The following CAPZB variants were observed in gnomAD, a reference collection of about 807,000 sequenced individuals.
CAPZB encodes the protein F-actin-capping protein subunit beta.
A neutral mutation model predicts 38.1 loss-of-function variants in CAPZB; 2 were observed. That is an observed-to-expected ratio of 0.05 (90% CI 0.02 to 0.17). The LOEUF is 0.17. CAPZB is among the 10% of genes least tolerant of loss of function. CAPZB has a pLI of 1.00. For missense variants in CAPZB, 161 were observed against 334.2 expected (o/e 0.48, Z 4.04); for synonymous variants, 107 against 127.4 (o/e 0.84, Z 1.08).
In CAPZB at chr1:19,477,979, A is replaced by C. The variant is rs11580290; in HGVS notation, c.3+7457T>G. 2.2e-3 allele frequency among the ~76,000 whole-genome samples: 342 copies of C among 152,354 alleles called. 1 individual carries two copies. The highest frequency in any genetic ancestry group is 8.0e-3 in the African/African-American group (332 of 41,578). On this transcript the variant is annotated intron_variant, in intron 1 of 8. Transcript: ENST00000264202. ...TGAGACAGCAAGCCCAAACACTGTTAAATAAGATACCGAGCCTAACTCAGG... is the reference window on the plus strand; with the variant it reads ...TGAGACAGCAAGCCCAAACACTGTTCAATAAGATACCGAGCCTAACTCAGG...
chr1:19,369,078 G>A (rs914133196), intron 4 of CAPZB, among the ~76,000 whole-genome samples: 1 of 152,186 alleles, frequency 6.6e-6, no homozygotes, highest in African/African-American at 2.4e-5. Flanking sequence ...ATGCTGACGT[G>A]GGGATCATGT....
Position 19,416,286 on chromosome 1 carries a change from T to C in CAPZB, c.93+3375A>G, listed in dbSNP as rs755410468. Among the ~76,000 whole-genome samples the C allele has an allele frequency of 1.3e-4, 20 of 152,330 alleles. 1 individual carries two copies. Among genetic ancestry groups the C allele is most frequent in the Admixed American group, 2.6e-4 (4 of 15,298 alleles). On this transcript the variant is annotated intron_variant, in intron 2 of 8. Coordinates refer to ENST00000264202, the MANE Select transcript of CAPZB (RefSeq NM_004930.5). The stretch of plus-strand genomic sequence containing the variant: ...CAACAGGCAAAACTGACACAGCACA[T>C]AGACACACCACATTTACTCTGTTGC...
chr1:19,443,602 TAA>T (rs1280244321), intron 1 of CAPZB, among the ~76,000 whole-genome samples: 4 of 148,414 alleles, frequency 2.7e-5, no homozygotes, highest in African/African-American at 9.8e-5. Context: ...AGGGTATGCT[TAA>T]GTTATTGTTG....
intron 6 of CAPZB, among the ~76,000 whole-genome samples, chr1:19,345,656 T>TGACA (rs2093956622): frequency 6.6e-6 from 1 of 152,266 alleles, no homozygotes; most frequent in Non-Finnish European, 1.5e-5. Context: ...GTTCAGGGCC[T>TGACA]GACACTGCAG....
chr1:19,355,355 C>T lies in CAPZB; in HGVS notation c.588+1280G>A, dbSNP rs138857963. Among the ~76,000 whole-genome samples the T allele has an allele frequency of 6.8e-3, 1,029 of 152,030 alleles. 10 individuals are homozygous for T. Among genetic ancestry groups the T allele is most frequent in the African/African-American group, 0.022 (920 of 41,460 alleles). ...CTAAAAATACAAAAAATGAGCTGGG[C>T]GTGGTGGTGCACGCTTGTAATCCCA... is the stretch of plus-strand genomic sequence containing the variant. On this transcript the variant is annotated intron_variant, in intron 6 of 8. Transcript: ENST00000264202.
intron 6 of CAPZB, among the ~76,000 whole-genome samples, chr1:19,346,574 TG>T (rs1364856031): frequency 6.6e-6 from 1 of 150,896 alleles, no homozygotes; most frequent in Admixed American, 6.6e-5. Flanking sequence ...GGGTGGAGTC[TG>T]GGGGGAGATA....
intron 1 of CAPZB, among the ~76,000 whole-genome samples, chr1:19,448,238 G>T (rs1207474232): frequency 6.6e-6 from 1 of 152,258 alleles, no homozygotes; most frequent in Non-Finnish European, 1.5e-5. Context: ...TCCAGGCACT[G>T]CCCACCCATG....
Position 19,366,283 on chromosome 1 carries a change from A to AATATATAT in CAPZB, c.330-8728_330-8721dup, listed in dbSNP as rs201882034. 1.7e-3 allele frequency among the ~76,000 whole-genome samples: 100 copies of AATATATAT among 60,498 alleles called. 2 individuals are homozygous for AATATATAT. The highest frequency in any genetic ancestry group is 3.7e-3 in the African/African-American group (58 of 15,698). 39.7% of individuals were successfully genotyped at this position (60,498 alleles called of 152,430 possible). ...GCAACATAGTGAGACCGTGTCTTAA[A>AATATATAT]ATATATATATATATATATATATATA... is the stretch of plus-strand genomic sequence containing the variant. On this transcript the variant is annotated intron_variant, in intron 4 of 8. Transcript: ENST00000264202.
chr1:19,357,256 C>G lies in CAPZB; in HGVS notation c.471+166G>C, dbSNP rs2094026547. On this transcript the variant is annotated intron_variant, in intron 5 of 8. Transcript: ENST00000264202. This position sits in a 1 kb window ranked among gnomAD's most constrained non-coding sequence, Gnocchi z 4.3. ...CTTCTGGGAACTTAATCATCAATGACTACTGCAGACTTATCTTTATCCAAA... is the reference window on the plus strand; with the variant it reads ...CTTCTGGGAACTTAATCATCAATGAGTACTGCAGACTTATCTTTATCCAAA... 8.5e-6 allele frequency among the ~76,000 whole-genome samples: 1 copy of G among 118,220 alleles called. No individual in the cohort carries two copies. The highest frequency in any genetic ancestry group is 1.8e-5 in the Non-Finnish European group (1 of 56,158). 77.6% of individuals were successfully genotyped at this position (118,220 alleles called of 152,430 possible). A position where few individuals can be genotyped will look rare whatever the true frequency, so the allele number is the denominator to read the frequency against.
intron 1 of CAPZB, among the ~76,000 whole-genome samples, chr1:19,476,008 G>A (rs2094605276): frequency 6.6e-6 from 1 of 152,158 alleles, no homozygotes; most frequent in African/African-American, 2.4e-5. Context: ...CGATCTGCCT[G>A]AGCTCAGGTA....
At chr1:19,352,549 GCAACCTTTTTTCGCTTGCTCTA>G (rs1420408580) in intron 6 of CAPZB, among the ~76,000 whole-genome samples, 5 of 152,242 alleles carry the variant, frequency 3.3e-5, no homozygotes, top group African/African-American at 1.2e-4. Flanking sequence ...CTTGGGGCTT[GCAACCTTTTTTCGCTTGCTCTA>G]CAACCCTCCC....
intron 1 of CAPZB, among the ~76,000 whole-genome samples, chr1:19,469,065 C>A (rs890842733): frequency 1.3e-5 from 2 of 152,228 alleles, no homozygotes; most frequent in African/African-American, 2.4e-5. Flanking sequence ...CCAAGCTGGG[C>A]ACACAATATT....
intron 2 of CAPZB, among the ~76,000 whole-genome samples, chr1:19,418,614 C>T (rs917277843): frequency 3.3e-5 from 5 of 152,196 alleles, no homozygotes; most frequent in Non-Finnish European, 7.3e-5. Context: ...CCTCCACAGG[C>T]TCCGCTCTGT....
chr1:19,377,007 T>G (rs924708810), intron 4 of CAPZB, among the ~76,000 whole-genome samples: 2 of 152,242 alleles, frequency 1.3e-5, no homozygotes, highest in Admixed American at 6.5e-5. Context: ...AGAGAATACC[T>G]GGAGGCCCAC....
intron 2 of CAPZB, among the ~76,000 whole-genome samples, chr1:19,411,673 T>A (rs1386194144): frequency 6.6e-6 from 1 of 152,254 alleles, no homozygotes; most frequent in Non-Finnish European, 1.5e-5. Context: ...GCATTCTTAA[T>A]TGGATAAAAT....
chr1:19,396,424 T>G (rs1438147772), intron 2 of CAPZB, among the ~76,000 whole-genome samples: 1 of 152,154 alleles, frequency 6.6e-6, no homozygotes, highest in Non-Finnish European at 1.5e-5. Context: ...TGGATGGCAT[T>G]TCATCTTCCT....
chr1:19,399,805 T>C (rs2094293215), intron 2 of CAPZB, among the ~76,000 whole-genome samples: 1 of 152,210 alleles, frequency 6.6e-6, no homozygotes, highest in African/African-American at 2.4e-5. Context: ...TCGGTAAGGT[T>C]CATTTTAGTG....
intron 4 of CAPZB, among the ~76,000 whole-genome samples, chr1:19,368,566 C>T (rs976737764): frequency 3.3e-5 from 5 of 150,580 alleles, no homozygotes; most frequent in Admixed American, 1.3e-4. Context: ...ACCAGGAATC[C>T]GGGACATGCC....
chr1:19,422,053 G>A (rs2094403300), intron 1 of CAPZB, among the ~76,000 whole-genome samples: 1 of 151,962 alleles, frequency 6.6e-6, no homozygotes, highest in African/African-American at 2.4e-5. Flanking sequence ...TATTCTCTTG[G>A]CCAAGCAAGA....
Sources: gnomAD v4.1 joint callset for allele counts (sites outside exome capture counted in the v4.1 genomes callset) on GRCh38, gnomAD v4.1.1 for gene constraint, Gnocchi (gnomAD v3.1) non-coding constraint, MANE v1.5 for transcripts, NCBI Gene and HGNC (gene_info 2026-07-23, HGNC 2026-07-21) for gene names.